CD74: variants seen among roughly 807,000 people sequenced by gnomAD.
CD74 encodes CD74 molecule.
A neutral mutation model predicts 37.1 loss-of-function variants in CD74; 20 were observed. That is an observed-to-expected ratio of 0.54 (90% CI 0.38 to 0.78). CD74 has a LOEUF of 0.78. CD74 is among the 30% of genes least tolerant of loss of function. The pLI, the probability that CD74 is intolerant of heterozygous loss-of-function variation, is 0.00. For synonymous variants in CD74, 150 were observed against 152.0 expected (o/e 0.99, Z 0.10); for missense variants, 338 against 389.5 (o/e 0.87, Z 1.11).
At chr5:150,406,815 C>T in intron 3 of CD74, 66 bp downstream of exon 3, 2 of 1,137,820 alleles carry the variant, frequency 1.8e-6, no homozygotes, top group East Asian at 2.6e-5. Context: ...TGCCCCTCCC[C>T]TTGGCACTGT....
In CD74 at chr5:150,402,291, T is replaced by G. The variant is rs2151166080; in HGVS notation, c.881-41A>C. On this transcript the variant is annotated intron_variant, in intron 8 of 8. Transcript: ENST00000009530. The surrounding 1 kb of genome is among the most constrained non-coding windows in gnomAD (Gnocchi z 4.2). ...GCAGGTTGAGGTTGGGGTCACCCAT[T>G]TGTTGTCCCTGCCCCTTTCTAACAT... 6.9e-7 allele frequency: 1 copy of G among 1,443,660 alleles called. No individual in the cohort carries two copies. The highest frequency in any genetic ancestry group is 9.7e-7 in the Non-Finnish European group (1 of 1,035,738). 89.4% of individuals were successfully genotyped at this position (1,443,660 alleles called of 1,614,324 possible). A position where few individuals can be genotyped will look rare whatever the true frequency, so the allele number is the denominator to read the frequency against.
At chr5:150,406,378 G>C in intron 3 of CD74, 57 bp from the exon 4 acceptor site, 2 of 1,405,348 alleles carry the variant, frequency 1.4e-6, no homozygotes, top group South Asian at 1.2e-5. Context: ...AGGGGGTATG[G>C]AGCAGGAGCC....
rs1335326977 is a variant in CD74, at chr5:150,402,381, G to C, written c.881-131C>G. 5.7e-6 allele frequency: 5 copies of C among 873,782 alleles called. No individual in the cohort carries two copies. Among genetic ancestry groups the C allele is most frequent in the Non-Finnish European group, 9.6e-6 (5 of 522,378 alleles). The allele number at this position is 873,782 out of a possible 1,614,324, so 54.1% of individuals were successfully genotyped here. A position where few individuals can be genotyped will look rare whatever the true frequency, so the allele number is the denominator to read the frequency against. ...CTGCCCCCTGCTCAGGTCCAATAATGACCATCATGGATTTGTGTAACTCCC... is the reference window on the plus strand; with the variant it reads ...CTGCCCCCTGCTCAGGTCCAATAATCACCATCATGGATTTGTGTAACTCCC... On this transcript the variant is annotated intron_variant, in intron 8 of 8. Transcript: ENST00000009530. The surrounding 1 kb of genome is among the most constrained non-coding windows in gnomAD (Gnocchi z 4.2).
In CD74 at chr5:150,404,663, G is replaced by A. The variant is rs1387585155; in HGVS notation, c.625+17C>T. ...GGTCCAGAAGCCCTGGCACGCTAAA[G>A]CTCCCACTCCCTGTACCTTTCGGTG... On this transcript the variant is annotated intron_variant, in intron 6 of 8. Transcript: ENST00000009530. 1 of 1,534,812 alleles carries A rather than the reference G, an allele frequency of 6.5e-7. No individual in the cohort carries two copies. Among genetic ancestry groups the A allele is most frequent in the Non-Finnish European group, 8.9e-7 (1 of 1,128,068 alleles).
intron 1 of CD74, among the ~76,000 whole-genome samples, chr5:150,409,352 C>T (rs1364811078): frequency 6.6e-6 from 1 of 151,934 alleles, no homozygotes; most frequent in African/African-American, 2.4e-5. Context: ...CGTGGTGAAA[C>T]CCTGTCTCTA....
At chr5:150,405,000 C>T in intron 5 of CD74, 85 bp downstream of exon 5, 1 of 1,286,544 alleles carries the variant, frequency 7.8e-7, no homozygotes, top group South Asian at 1.2e-5. Context: ...AATGGCTTCC[C>T]CAGCCCACCC....
rs10050491 is a variant in CD74 at position 150,406,371 on chromosome 5, G to C, written c.379-50C>G. ...TACCAGAGCTGGTCCCTGGAGCAGG[G>C]GGTATGGAGCAGGAGCCGGTTGCTG... On this transcript the variant is annotated intron_variant, in intron 3 of 8. Coordinates refer to ENST00000009530, the MANE Select transcript of CD74 (RefSeq NM_001025159.3). The C allele has an allele frequency of 3.9e-3, 5,764 of 1,475,262 alleles. 208 individuals carry two copies. In the African/African-American group the frequency reaches 0.071, roughly 18 times the overall value. The allele number at this position is 1,475,262 out of a possible 1,614,324, so 91.4% of individuals were successfully genotyped here.
At position 150,404,387 on chromosome 5, in the gene CD74, C is replaced by T. The variant is rs189992430; in HGVS notation, c.625+293G>A. The T allele has an allele frequency of 7.0e-5, 25 of 356,784 alleles. No homozygotes were observed. In the East Asian group the frequency reaches 7.9e-4, roughly 11 times the overall value. 22.1% of individuals were successfully genotyped at this position (356,784 alleles called of 1,614,324 possible). A position where few individuals can be genotyped will look rare whatever the true frequency, so the allele number is the denominator to read the frequency against. On this transcript the variant is annotated intron_variant, in intron 6 of 8. Coordinates refer to ENST00000009530, the MANE Select transcript of CD74 (RefSeq NM_001025159.3). ...TTTCGGGCAGGTTCTACCCCAGGCA[C>T]CCTGTGCTGTACCATCCTCTATGAG... is the stretch of plus-strand genomic sequence containing the variant.
chr5:150,406,745 G>A, intron 3 of CD74, 136 bp downstream of exon 3: 1 of 616,190 alleles, frequency 1.6e-6, no homozygotes. Flanking sequence ...GATTCTTCCT[G>A]AGGCAGGCAC....
chr5:150,401,864 T>C lies in CD74; in HGVS notation c.*376A>G. The C allele has an allele frequency of 1.4e-6, 1 of 697,106 alleles. No individual in the cohort carries two copies. Among genetic ancestry groups the C allele is most frequent in the Non-Finnish European group, 2.6e-6 (1 of 385,368 alleles). 43.2% of individuals were successfully genotyped at this position (697,106 alleles called of 1,614,324 possible). On this transcript the variant is annotated 3_prime_UTR_variant, in exon 9 of 9. Transcript: ENST00000009530. ...GCTGGAGGGGAGAGGACAGTCAGCA[T>C]GTCCAGCCTGGGGTCTGGGTGTAGG...
At position 150,402,537 on chromosome 5, in the gene CD74, C is replaced by T. The variant is rs755006362; in HGVS notation, c.880+26G>A. 108 of 1,605,778 alleles carry T rather than the reference C, an allele frequency of 6.7e-5. 1 individual carries two copies. Among genetic ancestry groups the T allele is most frequent in the South Asian group, 3.9e-4 (35 of 90,902 alleles). On this transcript the variant is annotated intron_variant, in intron 8 of 8. Transcript: ENST00000009530. This position sits in a 1 kb window ranked among gnomAD's most constrained non-coding sequence, Gnocchi z 4.2. ...CTGCTGGGGATGAGCTGCTGGTGAC[C>T]AGATGCCCCTCTGCAAGGCCCTTAC...
chr5:150,411,958 CTTTA>C (rs1220233465), intron 1 of CD74, among the ~76,000 whole-genome samples: 1 of 152,066 alleles, frequency 6.6e-6, no homozygotes, highest in South Asian at 2.1e-4. Context: ...GGTGCAAGGT[CTTTA>C]TTTATTTATT....
Position 150,412,679 on chromosome 5 carries a change from A to T in CD74, c.71T>A (p.Ile24Asn). The change falls in exon 1 of 9, where the codon ATC becomes AAC. Residue 24 changes from isoleucine to asparagine, a missense_variant. Ile to Asn is a moderately radical substitution (Grantham distance 149). Transcript: ENST00000009530. Reference protein sequence around the residue: ...KPVMDDQRDLISNNEQLPMLG... With the variant: ...KPVMDDQRDLNSNNEQLPMLG... Reference sequence around the variant, plus strand: ...CATGGGCAGTTGCTCATTGTTGGAGATAAGGTCGCGCTGGTCATCCATGAC... The same window carrying T: ...CATGGGCAGTTGCTCATTGTTGGAGTTAAGGTCGCGCTGGTCATCCATGAC... 6.2e-7 allele frequency: 1 copy of T among 1,613,882 alleles called. No homozygotes were observed. The highest frequency in any genetic ancestry group is 8.5e-7 in the Non-Finnish European group (1 of 1,179,976).
chr5:150,406,473 G>T (rs574786248), intron 3 of CD74, 152 bp from the exon 4 acceptor site: 2 of 691,434 alleles, frequency 2.9e-6, no homozygotes, highest in East Asian at 2.7e-5. Flanking sequence ...ATGAGAGCTC[G>T]AGCAAGTCAC....
intron 1 of CD74, among the ~76,000 whole-genome samples, chr5:150,411,910 C>A (rs544919634): frequency 3.5e-4 from 54 of 152,348 alleles, no homozygotes; most frequent in Middle Eastern, 3.4e-3. Flanking sequence ...CTTTTAGAAA[C>A]TCTTTCTCCA....
chr5:150,407,010 G>C lies in CD74; in HGVS notation c.299-50C>G. On this transcript the variant is annotated intron_variant, in intron 2 of 8. Transcript: ENST00000009530. This position sits in a 1 kb window ranked among gnomAD's most constrained non-coding sequence, Gnocchi z 4.4. ...GTGTGGCCCCGGTGCCCAGGGAGGA[G>C]GGTATCAGACCCAGATGAGGAAGGG... The C allele has an allele frequency of 6.5e-7, 1 of 1,541,990 alleles. No homozygotes were observed.
chr5:150,407,647 G>A lies in CD74; in HGVS notation c.126-323C>T, dbSNP rs560408683. Among the ~76,000 whole-genome samples the A allele has an allele frequency of 1.3e-5, 2 of 152,236 alleles. No individual in the cohort carries two copies. The highest frequency in any genetic ancestry group is 2.4e-5 in the African/African-American group (1 of 41,534). On this transcript the variant is annotated intron_variant, in intron 1 of 8. Coordinates refer to ENST00000009530, the MANE Select transcript of CD74 (RefSeq NM_001025159.3). This position sits in a 1 kb window ranked among gnomAD's most constrained non-coding sequence, Gnocchi z 4.4. ...CTGGACCTTAGGGTCCTGCCTGTGC[G>A]ATGAGGGGTTGAGGTGGGGGGGTCT...
intron 1 of CD74, 34 bp downstream of exon 1, chr5:150,412,591 G>A: frequency 6.6e-7 from 1 of 1,509,416 alleles, no homozygotes; most frequent in Non-Finnish European, 9.2e-7. Context: ...TGCAGTCCAG[G>A]ATCGGTGTGC....
Position 150,402,977 on chromosome 5 carries a change from G to A in CD74, c.817+144C>T, listed in dbSNP as rs2151168944. 1 of 653,048 alleles carries A rather than the reference G, an allele frequency of 1.5e-6. No homozygotes were observed. Among genetic ancestry groups the A allele is most frequent in the Non-Finnish European group, 2.7e-6 (1 of 375,192 alleles). The allele number at this position is 653,048 out of a possible 1,614,324, so 40.5% of individuals were successfully genotyped here. Reference sequence around the variant, plus strand: ...ATGCACAGGTGGGTGGATGGATAAAGGGCTGGACGCATGACTACGTCACTG... The same window carrying A: ...ATGCACAGGTGGGTGGATGGATAAAAGGCTGGACGCATGACTACGTCACTG... On this transcript the variant is annotated intron_variant, in intron 7 of 8. Transcript: ENST00000009530. This position sits in a 1 kb window ranked among gnomAD's most constrained non-coding sequence, Gnocchi z 4.2.
Sources: gnomAD v4.1 joint callset for allele counts (sites outside exome capture counted in the v4.1 genomes callset) on GRCh38, gnomAD v4.1.1 for gene constraint, Gnocchi (gnomAD v3.1) non-coding constraint, MANE v1.5 for transcripts, NCBI Gene and HGNC (gene_info 2026-07-23, HGNC 2026-07-21) for gene names.